NCAM1: variants seen among roughly 807,000 people sequenced by gnomAD.
NCAM1 encodes the protein neural cell adhesion molecule 1.
NCAM1 carries 14 observed loss-of-function variants against 109.8 expected under a neutral mutation model. The ratio of observed to expected loss-of-function variants is 0.13; its 90% CI spans 0.08 to 0.20. The LOEUF (loss-of-function observed/expected upper bound fraction) is 0.20, where lower values mean the gene tolerates loss of function less well. NCAM1 is among the 10% of genes least tolerant of loss of function. The probability of loss-of-function intolerance (pLI) is 1.00; values close to 1 mark genes in which losing one functional copy is unlikely to be tolerated. For synonymous variants in NCAM1, 418 were observed against 442.9 expected, an observed-to-expected ratio of 0.94 and a Z score of 0.70; for missense variants, 774 against 1,109.9, an observed-to-expected ratio of 0.70 and a Z score of 4.30.
chr11:113,163,135 T>C (rs1942659294), intron 1 of NCAM1, among the ~76,000 whole-genome samples: 1 of 152,202 alleles, frequency 6.6e-6, no homozygotes, highest in African/African-American at 2.4e-5. Flanking sequence ...CCTCAAACTC[T>C]GCTGACCTCC....
chr11:113,104,217 G>C (rs1417005395), intron 1 of NCAM1, among the ~76,000 whole-genome samples: 2 of 118,512 alleles, frequency 1.7e-5, no homozygotes, highest in African/African-American at 3.1e-5. Flanking sequence ...TGGGGGGGGG[G>C]GCGGGGTGGT....
intron 1 of NCAM1, among the ~76,000 whole-genome samples, chr11:113,049,585 G>A (rs942167429): frequency 6.6e-6 from 1 of 152,178 alleles, no homozygotes; most frequent in Non-Finnish European, 1.5e-5. Flanking sequence ...CCCAGGGAAG[G>A]GAACAGAAGA....
chr11:113,127,335 G>A (rs539900501), intron 1 of NCAM1, among the ~76,000 whole-genome samples: 24 of 152,278 alleles, frequency 1.6e-4, no homozygotes, highest in South Asian at 4.1e-4. Context: ...CAAAACCTCC[G>A]TGTCCACTCC....
chr11:113,170,576 G>A (rs1351784458), intron 1 of NCAM1, among the ~76,000 whole-genome samples: 1 of 152,164 alleles, frequency 6.6e-6, no homozygotes, highest in Non-Finnish European at 1.5e-5. Flanking sequence ...ATTGGTCTTT[G>A]GGAGGGAAGG....
intron 1 of NCAM1, among the ~76,000 whole-genome samples, chr11:113,128,970 A>G (rs911683851): frequency 6.6e-6 from 1 of 151,736 alleles, no homozygotes. Context: ...GGCACACATG[A>G]TATATTAAAA....
At chr11:113,050,459 A>G (rs963928920) in intron 1 of NCAM1, among the ~76,000 whole-genome samples, 2 of 151,322 alleles carry the variant, frequency 1.3e-5, no homozygotes, top group Non-Finnish European at 2.9e-5. Flanking sequence ...CAAAAAGTAT[A>G]ATGAACTTTG....
At chr11:113,114,046 T>C (rs1555094323) in intron 1 of NCAM1, among the ~76,000 whole-genome samples, 1 of 152,252 alleles carries the variant, frequency 6.6e-6, no homozygotes, top group Non-Finnish European at 1.5e-5. Flanking sequence ...TTTCCCTTTT[T>C]AGGCTTAAGT....
At chr11:113,162,256 A>G (rs148888109) in intron 1 of NCAM1, among the ~76,000 whole-genome samples, 164 of 151,842 alleles carry the variant, frequency 1.1e-3, no homozygotes, top group African/African-American at 3.8e-3. Context: ...TATTATAGCA[A>G]CCCCTTTGTC....
intron 1 of NCAM1, among the ~76,000 whole-genome samples, chr11:113,017,699 G>C (rs1359206545): frequency 7.1e-6 from 1 of 141,322 alleles, no homozygotes; most frequent in African/African-American, 2.6e-5. Flanking sequence ...TTGATTTGTT[G>C]TTAAATCCTA....
chr11:113,001,628 C>G (rs1951757093), intron 1 of NCAM1, among the ~76,000 whole-genome samples: 1 of 152,130 alleles, frequency 6.6e-6, no homozygotes, highest in Non-Finnish European at 1.5e-5. Flanking sequence ...TGTTTGTTCT[C>G]TTAGTGTGAA....
intron 8 of NCAM1, among the ~76,000 whole-genome samples, chr11:113,216,235 G>GC (rs782148784): frequency 1.8e-3 from 248 of 139,206 alleles, no homozygotes; most frequent in Non-Finnish European, 2.8e-3. Context: ...TGCAGGCTCC[G>GC]CCCCCTGGGG....
chr11:113,194,821 G>T (rs553157766), intron 1 of NCAM1, among the ~76,000 whole-genome samples: 1 of 152,312 alleles, frequency 6.6e-6, no homozygotes, highest in African/African-American at 2.4e-5. Context: ...GGGGCCTGTG[G>T]CGACTTTAGA....
chr11:113,167,400 C>G (rs1454209006), intron 1 of NCAM1, among the ~76,000 whole-genome samples: 1 of 152,166 alleles, frequency 6.6e-6, no homozygotes, highest in Non-Finnish European at 1.5e-5. Flanking sequence ...CCCAAAGCCT[C>G]CTGATATGGT....
chr11:113,018,547 C>G (rs1297459475), intron 1 of NCAM1, among the ~76,000 whole-genome samples: 2 of 152,140 alleles, frequency 1.3e-5, no homozygotes, highest in Admixed American at 6.5e-5. Flanking sequence ...TGAGGCTACA[C>G]AAACAAAATT....
At chr11:113,008,167 G>A (rs1053691899) in intron 1 of NCAM1, among the ~76,000 whole-genome samples, 2 of 152,098 alleles carry the variant, frequency 1.3e-5, no homozygotes, top group African/African-American at 2.4e-5. Flanking sequence ...TTCCAGTATG[G>A]CCTCATCTCA....
chr11:113,187,233 C>G (rs1591397806), intron 1 of NCAM1, among the ~76,000 whole-genome samples: 1 of 152,166 alleles, frequency 6.6e-6, no homozygotes, highest in African/African-American at 2.4e-5. Flanking sequence ...AGGCTTTGGT[C>G]TCTGGGTCAG....
At chr11:113,226,333 A>T (rs1944844564) in intron 9 of NCAM1, among the ~76,000 whole-genome samples, 1 of 152,250 alleles carries the variant, frequency 6.6e-6, no homozygotes. Context: ...AGAGACAAAG[A>T]AGGCCATTAC....
At chr11:113,022,887 A>G (rs782531834) in intron 1 of NCAM1, among the ~76,000 whole-genome samples, 8 of 152,168 alleles carry the variant, frequency 5.3e-5, no homozygotes, top group Non-Finnish European at 7.3e-5. Context: ...CTAGCAAACT[A>G]TAAGGAGGAA....
intron 1 of NCAM1, among the ~76,000 whole-genome samples, chr11:113,166,667 G>A (rs1244092163): frequency 6.6e-6 from 1 of 152,096 alleles, no homozygotes; most frequent in Admixed American, 6.5e-5. Flanking sequence ...GTTAGATCAT[G>A]GGGAAGCCTT....
Sources: allele counts gnomAD v4.1 joint callset (sites outside exome capture counted in the v4.1 genomes callset), GRCh38; gene constraint gnomAD v4.1.1; transcripts MANE v1.5; gene names NCBI Gene and HGNC (gene_info 2026-07-23, HGNC 2026-07-21).